The following FXR2 variants were observed in gnomAD, a reference collection of about 807,000 sequenced individuals.
FXR2 encodes RNA-binding protein FXR2.
FXR2 carries 9 observed loss-of-function variants against 87.3 expected under a neutral mutation model. That is an observed-to-expected ratio of 0.10 (90% CI 0.06 to 0.18). The LOEUF is 0.18. Among genes scored for constraint, FXR2 ranks in the 10% least tolerant of loss-of-function variants. The pLI is 1.00. For missense variants in FXR2, 661 were observed against 893.6 expected, an observed-to-expected ratio of 0.74 and a Z score of 3.32; for synonymous variants, 331 against 328.3, an observed-to-expected ratio of 1.01 and a Z score of -0.09.
intron 5 of FXR2, among the ~76,000 whole-genome samples, 187 bp downstream of exon 5, chr17:7,603,570 G>A (rs1005705259): frequency 2.6e-5 from 4 of 151,666 alleles, no homozygotes; most frequent in African/African-American, 9.7e-5. Flanking sequence ...AAAAGAAGAG[G>A]GACCACAGTT....
At chr17:7,613,118 A>G (rs550477133) in intron 1 of FXR2, among the ~76,000 whole-genome samples, 1 of 152,112 alleles carries the variant, frequency 6.6e-6, no homozygotes, top group East Asian at 1.9e-4. Flanking sequence ...GACTTAGAGA[A>G]GGAGTCAAAG....
At chr17:7,602,237 T>G (rs1294901635) in intron 6 of FXR2, among the ~76,000 whole-genome samples, 1 of 149,466 alleles carries the variant, frequency 6.7e-6, no homozygotes, top group African/African-American at 2.5e-5. Context: ...GCCTGACCAA[T>G]ATGGTGAAAC....
chr17:7,605,537 T>A (rs181620793), intron 3 of FXR2, 108 bp downstream of exon 3: 114 of 655,094 alleles, frequency 1.7e-4, no homozygotes, highest in Non-Finnish European at 7.3e-5. Context: ...ATAGGCTACA[T>A]GGCTGGATAT....
chr17:7,594,007 A>G lies in FXR2; in HGVS notation c.1021-3T>C, dbSNP rs2150940552. ...ACAAAAATGAAGGGAACCATTCCCT[A>G]GAGAACAGAGAGCAGAAACGATGGA... On this transcript the variant is annotated splice_region_variant and splice_polypyrimidine_tract_variant and intron_variant, in intron 10 of 16. Transcript: ENST00000250113. This position sits in a 1 kb window ranked among gnomAD's most constrained non-coding sequence, Gnocchi z 5.1. 1.3e-6 allele frequency: 2 copies of G among 1,555,134 alleles called. No homozygotes were observed. Among genetic ancestry groups the G allele is most frequent in the South Asian group, 2.2e-5 (2 of 89,894 alleles).
chr17:7,601,115 GT>G (rs1185739388), intron 7 of FXR2, among the ~76,000 whole-genome samples: 1 of 151,552 alleles, frequency 6.6e-6, no homozygotes, highest in Admixed American at 6.6e-5. Flanking sequence ...GGAGGCAGGG[GT>G]TGCAGTGAGC....
At chr17:7,612,740 T>C (rs2071879330) in intron 1 of FXR2, among the ~76,000 whole-genome samples, 1 of 151,994 alleles carries the variant, frequency 6.6e-6, no homozygotes, top group East Asian at 1.9e-4. Flanking sequence ...CTCACGCCTG[T>C]AATCCCAGCA....
Position 7,602,929 on chromosome 17 carries a change from T to G in FXR2, c.523A>C (p.Asn175His). The change falls in exon 6 of 17, where the codon AAC (asparagine) becomes CAC (histidine). Residue 175 changes from asparagine to histidine, a missense_variant. Transcript: ENST00000250113. ...GANCIFLNIT[N>H]SELFILSTTE... is the part of the protein sequence containing the mutation. ...CTCACCAGAATGAAGAGCTCACTGT[T>G]TGTGATGTTGAGAAAGATGCAGTTG... 6.5e-7 allele frequency: 1 copy of G among 1,538,202 alleles called. No homozygotes were observed. The highest frequency in any genetic ancestry group is 1.1e-5 in the South Asian group (1 of 88,958).
rs2071667402 is a variant in FXR2 at position 7,592,154 on chromosome 17, G to A, written c.1926+100C>T. On this transcript the variant is annotated intron_variant, in intron 16 of 16. Transcript: ENST00000250113. This position sits in a 1 kb window ranked among gnomAD's most constrained non-coding sequence, Gnocchi z 4.8. ...GGTCTAAACTCCATCAGACACAGCT[G>A]CCTCTGCAATTCAGTAGGAGATTTG... is the stretch of plus-strand genomic sequence containing the variant. 1.2e-5 allele frequency: 19 copies of A among 1,547,296 alleles called. No homozygotes were observed. Among genetic ancestry groups the A allele is most frequent in the Middle Eastern group, 3.5e-4 (2 of 5,708 alleles).
Position 7,595,778 on chromosome 17 carries a change from C to A in FXR2, c.831+46G>T. On this transcript the variant is annotated intron_variant, in intron 8 of 16. Transcript: ENST00000250113. The surrounding 1 kb of genome is among the most constrained non-coding windows in gnomAD (Gnocchi z 4.7). ...CTTATTTTCTACTTCGGCCTCTCTT[C>A]CCTCTATCCCCTAAGAGACCCAGAA... The A allele has an allele frequency of 6.6e-7, 1 of 1,518,088 alleles. No homozygotes were observed. The highest frequency in any genetic ancestry group is 1.7e-5 in the Admixed American group (1 of 57,382). 94.0% of individuals were successfully genotyped at this position (1,518,088 alleles called of 1,614,324 possible).
chr17:7,597,743 T>C (rs905235148), intron 7 of FXR2, among the ~76,000 whole-genome samples: 4 of 151,922 alleles, frequency 2.6e-5, no homozygotes, highest in Admixed American at 2.6e-4. Flanking sequence ...CTACTAGGCA[T>C]GACTGATTAA....
chr17:7,612,754 T>TG (rs2071879635), intron 1 of FXR2, among the ~76,000 whole-genome samples: 2 of 151,818 alleles, frequency 1.3e-5, no homozygotes, highest in Non-Finnish European at 2.9e-5. Context: ...CCCAGCACTT[T>TG]GGGAGGCCGA....
intron 5 of FXR2, among the ~76,000 whole-genome samples, chr17:7,603,245 G>A (rs933695109): frequency 6.6e-5 from 10 of 151,676 alleles, no homozygotes; most frequent in African/African-American, 2.2e-4. Flanking sequence ...AAAAGGGACT[G>A]GGCCGGGTGC....
intron 1 of FXR2, among the ~76,000 whole-genome samples, chr17:7,607,016 T>C (rs185177319): frequency 1.3e-5 from 2 of 152,342 alleles, no homozygotes; most frequent in East Asian, 3.9e-4. Context: ...TTTGGTTTCA[T>C]ATCTAAGAAA....
At chr17:7,609,912 G>GTATACATA (rs1555572200) in intron 1 of FXR2, among the ~76,000 whole-genome samples, 1 of 112,514 alleles carries the variant, frequency 8.9e-6, no homozygotes, top group African/African-American at 3.7e-5. Context: ...ACATATATAT[G>GTATACATA]TATATATACA....
Position 7,614,344 on chromosome 17 carries a change from C to T in FXR2, c.81+108G>A, listed in dbSNP as rs1476356722. On this transcript the variant is annotated intron_variant, in intron 1 of 16. Coordinates refer to ENST00000250113, the MANE Select transcript of FXR2 (RefSeq NM_004860.4). ...CGGGTTGGAGCAAGGGTCCAAGATT[C>T]TAAGGGCCAGGACTCAGCTCCAGAA... 3.6e-6 allele frequency: 3 copies of T among 830,524 alleles called. No individual in the cohort carries two copies. The African/African-American group carries it at 5.1e-5, about 14-fold the overall frequency. 51.4% of individuals were successfully genotyped at this position (830,524 alleles called of 1,614,324 possible).
intron 2 of FXR2, 104 bp from the exon 3 acceptor site, chr17:7,605,842 GATA>G (rs772540207): frequency 5.4e-5 from 40 of 736,874 alleles, no homozygotes; most frequent in Non-Finnish European, 8.6e-5. Flanking sequence ...CACCTATCTG[GATA>G]ATTAGAGGCT....
At chr17:7,611,131 AG>A (rs1175686388) in intron 1 of FXR2, among the ~76,000 whole-genome samples, 3 of 152,198 alleles carry the variant, frequency 2.0e-5, no homozygotes, top group Non-Finnish European at 4.4e-5. Context: ...TTCATTTGGG[AG>A]AGTACAACTT....
rs530280309 is a variant in FXR2, at chr17:7,602,190, A to C, written c.544-665T>G. Reference sequence around the variant, plus strand: ...TGTGATCCCAGCACTTTGGGAGGCCAAGGCGGGCGGATCACGACGTCAGGA... The same window carrying C: ...TGTGATCCCAGCACTTTGGGAGGCCCAGGCGGGCGGATCACGACGTCAGGA... On this transcript the variant is annotated intron_variant, in intron 6 of 16. Coordinates refer to ENST00000250113, the MANE Select transcript of FXR2 (RefSeq NM_004860.4). Among the ~76,000 whole-genome samples the C allele has an allele frequency of 2.2e-3, 332 of 151,814 alleles. 1 individual carries two copies. The highest frequency in any genetic ancestry group is 7.7e-3 in the African/African-American group (319 of 41,380).
intron 7 of FXR2, 60 bp from the exon 8 acceptor site, chr17:7,596,054 G>C: frequency 3.1e-6 from 4 of 1,306,034 alleles, no homozygotes; most frequent in Non-Finnish European, 4.4e-6. Context: ...CCAGGCACAC[G>C]ACCCTTTGCA....
Sources: allele counts gnomAD v4.1 joint callset (sites outside exome capture counted in the v4.1 genomes callset), GRCh38; gene constraint gnomAD v4.1.1; non-coding constraint Gnocchi (gnomAD v3.1); transcripts MANE v1.5; gene names NCBI Gene and HGNC (gene_info 2026-07-23, HGNC 2026-07-21).